MBOAT2: variants seen among roughly 807,000 people sequenced by gnomAD.
The protein encoded by MBOAT2 is membrane bound glycerophospholipid O-acyltransferase 2.
In MBOAT2, 28 loss-of-function variants were observed where a neutral mutation model predicts 63.4. The observed-to-expected ratio is 0.44, with a 90% CI of 0.33 to 0.61. The LOEUF is 0.61. Among genes scored for constraint, MBOAT2 ranks in the 20% least tolerant of loss-of-function variants. MBOAT2 has a pLI of 0.03. For synonymous variants in MBOAT2, 211 were observed against 215.6 expected (o/e 0.98, Z 0.19); for missense variants, 470 against 605.8 (o/e 0.78, Z 2.35).
chr2:8,870,602 G>A (rs946555914), intron 8 of MBOAT2, among the ~76,000 whole-genome samples: 1 of 152,182 alleles, frequency 6.6e-6, no homozygotes, highest in Non-Finnish European at 1.5e-5. Context: ...GTGGGCACAT[G>A]CATGCTGAGC....
At chr2:8,863,102 C>T (rs941476724) in intron 10 of MBOAT2, among the ~76,000 whole-genome samples, 4 of 152,040 alleles carry the variant, frequency 2.6e-5, no homozygotes, top group East Asian at 1.9e-4. Context: ...CTACTCCTTC[C>T]GGCAGATAGA....
At position 9,003,676 on chromosome 2, in the gene MBOAT2, G is replaced by T. The variant is rs1007229647; in HGVS notation, c.-62C>A. On this transcript the variant is annotated 5_prime_UTR_variant, in exon 1 of 13. Transcript: ENST00000305997. The surrounding 1 kb of genome is among the most constrained non-coding windows in gnomAD (Gnocchi z 5.4). The stretch of plus-strand genomic sequence containing the variant: ...GCCCGCTCGCGCTGTGCCGGGCGAC[G>T]ACGAGGATGGGGATGCAGCGGCGCG... 89 of 1,041,784 alleles carry T rather than the reference G, an allele frequency of 8.5e-5. No homozygotes were observed. In the African/African-American group the frequency reaches 1.5e-3, roughly 17 times the overall value. The allele number at this position is 1,041,784 out of a possible 1,614,324, so 64.5% of individuals were successfully genotyped here.
chr2:8,882,301 T>A (rs1663196347), intron 6 of MBOAT2, among the ~76,000 whole-genome samples: 1 of 152,202 alleles, frequency 6.6e-6, no homozygotes, highest in Admixed American at 6.5e-5. Context: ...AAATGTACAA[T>A]CGCAGAGGCA....
intron 12 of MBOAT2, among the ~76,000 whole-genome samples, 161 bp downstream of exon 12, chr2:8,860,452 C>T (rs534779415): frequency 8.5e-5 from 13 of 152,230 alleles, no homozygotes; most frequent in East Asian, 7.7e-4. Context: ...CACAGAGAAA[C>T]GCTGAGACTT....
intron 12 of MBOAT2, 111 bp downstream of exon 12, chr2:8,860,502 T>C: frequency 9.2e-7 from 1 of 1,089,224 alleles, no homozygotes; most frequent in African/African-American, 1.6e-5. Flanking sequence ...AATGCATTTA[T>C]CAGCAGGAAA....
chr2:8,944,560 T>A (rs1384938632), intron 2 of MBOAT2, among the ~76,000 whole-genome samples: 1 of 151,980 alleles, frequency 6.6e-6, no homozygotes, highest in Non-Finnish European at 1.5e-5. Context: ...ATAGAAATAT[T>A]ATAAACCAGT....
intron 1 of MBOAT2, among the ~76,000 whole-genome samples, chr2:9,002,845 G>GCCT (rs1346036885): frequency 2.0e-5 from 3 of 152,202 alleles, no homozygotes; most frequent in African/African-American, 7.2e-5. Context: ...AGGAGGTAAA[G>GCCT]TGGCTGCATC....
At chr2:8,968,848 G>A (rs1409553249) in intron 1 of MBOAT2, among the ~76,000 whole-genome samples, 2 of 152,006 alleles carry the variant, frequency 1.3e-5, no homozygotes, top group Non-Finnish European at 2.9e-5. Flanking sequence ...AAAAAGAAAC[G>A]AAAAAAGCCT....
intron 2 of MBOAT2, among the ~76,000 whole-genome samples, chr2:8,946,511 C>T (rs1253599880): frequency 9.2e-5 from 14 of 152,188 alleles, no homozygotes; most frequent in Admixed American, 9.2e-4. Flanking sequence ...CCGTGCTTTG[C>T]AGATACTGAG....
intron 1 of MBOAT2, among the ~76,000 whole-genome samples, chr2:8,966,508 ATTTTT>A (rs1476313599): frequency 6.6e-6 from 1 of 151,962 alleles, no homozygotes; most frequent in African/African-American, 2.4e-5. Flanking sequence ...ACCTTGAATT[ATTTTT>A]TTTGTTTTTA....
chr2:8,962,537 T>A (rs1056905307), intron 1 of MBOAT2, among the ~76,000 whole-genome samples: 2 of 152,190 alleles, frequency 1.3e-5, no homozygotes, highest in Non-Finnish European at 2.9e-5. Context: ...CTATCTGCAA[T>A]GTTCCAGAAA....
At chr2:8,950,345 C>T (rs1668740919) in intron 2 of MBOAT2, among the ~76,000 whole-genome samples, 1 of 152,188 alleles carries the variant, frequency 6.6e-6, no homozygotes, top group South Asian at 2.1e-4. Flanking sequence ...GCTAGCACTT[C>T]CAGAACTATG....
At position 8,951,495 on chromosome 2, in the gene MBOAT2, G is replaced by A. The variant is rs142107855; in HGVS notation, c.221+7002C>T. On this transcript the variant is annotated intron_variant, in intron 2 of 12. Coordinates refer to ENST00000305997, the MANE Select transcript of MBOAT2 (RefSeq NM_138799.4). ...GCTGGGATTACAAGTGTGAGCCACC[G>A]TGCCCTGCCACTAGCTCTTCTTAGC... 3.3e-4 allele frequency among the ~76,000 whole-genome samples: 50 copies of A among 152,228 alleles called. 1 individual carries two copies. In the East Asian group the frequency reaches 7.9e-3, roughly 24 times the overall value.
intron 10 of MBOAT2, among the ~76,000 whole-genome samples, chr2:8,863,833 A>T (rs1348742458): frequency 6.6e-6 from 1 of 152,196 alleles, no homozygotes; most frequent in Non-Finnish European, 1.5e-5. Context: ...GTGCTTGTGC[A>T]GGCACTTGTT....
Position 8,862,397 on chromosome 2 carries a change from G to A in MBOAT2, c.1185+193C>T. On this transcript the variant is annotated intron_variant, in intron 11 of 12. Coordinates refer to ENST00000305997, the MANE Select transcript of MBOAT2 (RefSeq NM_138799.4). The surrounding 1 kb of genome is among the most constrained non-coding windows in gnomAD (Gnocchi z 4.3). ...ATAGAAACGTGTTTTCTCCTCACAGGAACTGGGCATGGAGCCTAGCCCGTG... is the reference window on the plus strand; with the variant it reads ...ATAGAAACGTGTTTTCTCCTCACAGAAACTGGGCATGGAGCCTAGCCCGTG... 2 of 1,385,354 alleles carry A rather than the reference G, an allele frequency of 1.4e-6. No homozygotes were observed. The highest frequency in any genetic ancestry group is 9.7e-7 in the Non-Finnish European group (1 of 1,027,706). The allele number at this position is 1,385,354 out of a possible 1,614,324, so 85.8% of individuals were successfully genotyped here. A position where few individuals can be genotyped will look rare whatever the true frequency, so the allele number is the denominator to read the frequency against.
chr2:8,935,581 G>C (rs1667603238), intron 3 of MBOAT2, among the ~76,000 whole-genome samples: 1 of 152,212 alleles, frequency 6.6e-6, no homozygotes, highest in Non-Finnish European at 1.5e-5. Context: ...AATGACCTTT[G>C]AAAGATTTGA....
intron 1 of MBOAT2, among the ~76,000 whole-genome samples, chr2:8,978,379 C>T (rs1182650449): frequency 2.6e-5 from 4 of 152,014 alleles, no homozygotes; most frequent in Non-Finnish European, 4.4e-5. Context: ...TGTCATGGAC[C>T]CCATGTTACT....
intron 1 of MBOAT2, among the ~76,000 whole-genome samples, chr2:8,960,115 T>C (rs889353008): frequency 6.6e-6 from 1 of 152,242 alleles, no homozygotes; most frequent in Non-Finnish European, 1.5e-5. Flanking sequence ...AAGGTTCTAA[T>C]ACTTCCTGCC....
intron 1 of MBOAT2, among the ~76,000 whole-genome samples, chr2:8,971,544 G>C (rs939816382): frequency 1.3e-5 from 2 of 152,182 alleles, no homozygotes; most frequent in Admixed American, 6.5e-5. Flanking sequence ...AAGAAATAAA[G>C]GGTATTCAGT....
Sources: allele counts gnomAD v4.1 joint callset (sites outside exome capture counted in the v4.1 genomes callset), GRCh38; gene constraint gnomAD v4.1.1; non-coding constraint Gnocchi (gnomAD v3.1); transcripts MANE v1.5; gene names NCBI Gene and HGNC (gene_info 2026-07-23, HGNC 2026-07-21).